The following ADARB2 variants were observed in gnomAD, a reference collection of about 807,000 sequenced individuals.
ADARB2 encodes the protein adenosine deaminase RNA specific B2 (inactive), also known as inactive double-stranded RNA-specific editase B2.
ADARB2 carries 25 observed loss-of-function variants against 62.2 expected under a neutral mutation model. The ratio of observed to expected loss-of-function variants is 0.40; its 90% confidence interval spans 0.29 to 0.56. ADARB2 has a LOEUF of 0.56. Ranked by LOEUF, ADARB2 falls within the 20% of genes least tolerant of loss-of-function variation. The pLI, the probability that ADARB2 is intolerant of heterozygous loss-of-function variation, is 0.43. For synonymous variants in ADARB2, 572 were observed against 500.8 expected (o/e 1.14, Z -1.90); for missense variants, 1,071 against 1,077.4 (o/e 0.99, Z 0.08).
chr10:1,609,225 T>C (rs1168317758), intron 1 of ADARB2, among the ~76,000 whole-genome samples: 1 of 152,162 alleles, frequency 6.6e-6, no homozygotes, highest in East Asian at 1.9e-4. Context: ...ACGTCCGGGT[T>C]TAATAGACTT....
chr10:1,266,132 TCTCCCGGAAGACACGGTCCACGCC>T (rs1375782505), intron 4 of ADARB2, among the ~76,000 whole-genome samples: 10 of 151,760 alleles, frequency 6.6e-5, no homozygotes, highest in African/African-American at 2.2e-4. Context: ...AGGTCCACGC[TCTCCCGGAAGACACGGTCCACGCC>T]CTCTGAGAAG....
At chr10:1,443,443 C>T (rs74122618) in intron 1 of ADARB2, among the ~76,000 whole-genome samples, 225 of 152,184 alleles carry the variant, frequency 1.5e-3, no homozygotes, top group African/African-American at 5.3e-3. Context: ...TTTTGGTCTG[C>T]CATTCCTAAC....
At chr10:1,668,109 C>T (rs777627839) in intron 1 of ADARB2, among the ~76,000 whole-genome samples, 15 of 152,288 alleles carry the variant, frequency 9.8e-5, no homozygotes, top group East Asian at 7.7e-4. Context: ...TGATATTAAC[C>T]GAGGGCCTCT....
At chr10:1,561,532 C>T (rs1161533131) in intron 1 of ADARB2, among the ~76,000 whole-genome samples, 2 of 152,322 alleles carry the variant, frequency 1.3e-5, no homozygotes, top group East Asian at 3.9e-4. Context: ...AATTAGACCC[C>T]TTCTCTGTTC....
At chr10:1,285,268 C>G (rs1288542966) in intron 3 of ADARB2, among the ~76,000 whole-genome samples, 1 of 152,040 alleles carries the variant, frequency 6.6e-6, no homozygotes, top group Non-Finnish European at 1.5e-5. Context: ...TTCATGCCTC[C>G]CAGGAAAGAG....
intron 1 of ADARB2, among the ~76,000 whole-genome samples, chr10:1,632,071 T>C (rs1833850905): frequency 6.6e-6 from 1 of 152,206 alleles, no homozygotes; most frequent in Non-Finnish European, 1.5e-5. Context: ...TTCAAAGGTA[T>C]ACATCTTAGA....
At chr10:1,665,879 A>G (rs1210690282) in intron 1 of ADARB2, among the ~76,000 whole-genome samples, 1 of 152,206 alleles carries the variant, frequency 6.6e-6, no homozygotes, top group Non-Finnish European at 1.5e-5. Flanking sequence ...AGAGGCCTCC[A>G]GGCCCACAGT....
At chr10:1,193,507 A>AAATGTAGT (rs1451565841) in intron 8 of ADARB2, among the ~76,000 whole-genome samples, 1 of 152,194 alleles carries the variant, frequency 6.6e-6, no homozygotes, top group African/African-American at 2.4e-5. Flanking sequence ...CTAGTACTCA[A>AAATGTAGT]AATGTAGTAA....
chr10:1,220,093 GTGA>G (rs537873551), intron 6 of ADARB2, among the ~76,000 whole-genome samples: 236 of 137,820 alleles, frequency 1.7e-3, no homozygotes, highest in African/African-American at 6.0e-3. Flanking sequence ...GGTGGTAATG[GTGA>G]TGGTGGTGGT....
intron 1 of ADARB2, among the ~76,000 whole-genome samples, chr10:1,585,870 T>TAAA (rs1384787290): frequency 2.0e-5 from 3 of 152,024 alleles, no homozygotes; most frequent in Admixed American, 2.0e-4. Context: ...CCGTCTCTAC[T>TAAA]AAAAATACAA....
chr10:1,459,945 A>G lies in ADARB2; in HGVS notation c.101-80785T>C, dbSNP rs1022557545. On this transcript the variant is annotated intron_variant, in intron 1 of 9. Coordinates refer to ENST00000381312, the MANE Select transcript of ADARB2 (RefSeq NM_018702.4). ...CCTGTGACCTGAGTTTACCTGCGTT[A>G]CGAACCTGCCTGTGACCTGAGTTTA... is the stretch of plus-strand genomic sequence containing the variant. Among the ~76,000 whole-genome samples, 65 of 138,012 alleles carry G rather than the reference A, an allele frequency of 4.7e-4. 1 individual carries two copies. The highest frequency in any genetic ancestry group is 1.5e-3 in the African/African-American group (49 of 33,744). 90.5% of individuals were successfully genotyped at this position (138,012 alleles called of 152,430 possible). A position where few individuals can be genotyped will look rare whatever the true frequency, so the allele number is the denominator to read the frequency against.
chr10:1,702,247 A>G (rs562644084), intron 1 of ADARB2, among the ~76,000 whole-genome samples: 62 of 152,380 alleles, frequency 4.1e-4, no homozygotes, highest in Non-Finnish European at 7.8e-4. Flanking sequence ...TCATCATTGT[A>G]GCACTCTGTA....
At chr10:1,402,900 C>T (rs1345100765) in intron 1 of ADARB2, among the ~76,000 whole-genome samples, 4 of 152,206 alleles carry the variant, frequency 2.6e-5, no homozygotes, top group Non-Finnish European at 5.9e-5. Flanking sequence ...AAGCTGAGGC[C>T]GGGACCTTCC....
rs181563602 is a variant in ADARB2, at chr10:1,637,118, A to T, written c.100+99933T>A. ...TCCGCAACACAACAGATGTAGACAC[A>T]CTGAAGGAATACTTCTGCCTGAGCC... On this transcript the variant is annotated intron_variant, in intron 1 of 9. Coordinates refer to ENST00000381312, the MANE Select transcript of ADARB2 (RefSeq NM_018702.4). Among the ~76,000 whole-genome samples, 4 of 152,350 alleles carry T rather than the reference A, an allele frequency of 2.6e-5. No individual in the cohort carries two copies. In the East Asian group the frequency reaches 7.7e-4, roughly 29 times the overall value.
chr10:1,510,097 T>TCTTTCTTTCTCTCTTTCTTTCTTTC (rs1564312419), intron 1 of ADARB2, among the ~76,000 whole-genome samples: 1 of 116,396 alleles, frequency 8.6e-6, no homozygotes, highest in African/African-American at 3.0e-5. Flanking sequence ...CTCTCTCTCT[T>TCTTTCTTTCTCTCTTTCTTTCTTTC]TTCTTTCTTT....
At chr10:1,186,455 G>T (rs755882985) in intron 8 of ADARB2, 3 of 518,362 alleles carry the variant, frequency 5.8e-6, no homozygotes, top group South Asian at 2.8e-5. Context: ...TTGTCCCATT[G>T]GTGCCTCCTG....
At chr10:1,727,354 C>T (rs1835179433) in intron 1 of ADARB2, among the ~76,000 whole-genome samples, 1 of 152,150 alleles carries the variant, frequency 6.6e-6, no homozygotes, top group Non-Finnish European at 1.5e-5. Flanking sequence ...CAAAGGTGGT[C>T]ATGGAAGCCA....
intron 8 of ADARB2, among the ~76,000 whole-genome samples, chr10:1,198,876 C>G (rs1011514297): frequency 6.6e-6 from 1 of 152,252 alleles, no homozygotes; most frequent in Non-Finnish European, 1.5e-5. Context: ...AGGGCAAAAC[C>G]TGCTCCGTTG....
intron 1 of ADARB2, among the ~76,000 whole-genome samples, chr10:1,723,521 T>C (rs771184705): frequency 3.9e-5 from 6 of 152,222 alleles, no homozygotes; most frequent in African/African-American, 9.6e-5. Context: ...CACAGTTTAG[T>C]TGATGGTGTC....
Sources: allele counts gnomAD v4.1 joint callset (sites outside exome capture counted in the v4.1 genomes callset), GRCh38; gene constraint gnomAD v4.1.1; transcripts MANE v1.5; gene names NCBI Gene and HGNC (gene_info 2026-07-23, HGNC 2026-07-21).